The following MIOS variants were observed in gnomAD, a reference collection of about 807,000 sequenced individuals.
MIOS encodes GATOR2 complex protein MIOS.
In MIOS, 52 loss-of-function variants were observed where a neutral mutation model predicts 96.9. The observed-to-expected ratio is 0.54, with a 90% CI of 0.43 to 0.68. The LOEUF (loss-of-function observed/expected upper bound fraction) is 0.68. MIOS is among the 30% of genes least tolerant of loss of function. The pLI, the probability that MIOS is intolerant of heterozygous loss-of-function variation, is 0.00. For synonymous variants in MIOS, 397 were observed against 359.5 expected, an observed-to-expected ratio of 1.10 and a Z score of -1.18; for missense variants, 1,005 against 1,052.8, an observed-to-expected ratio of 0.95 and a Z score of 0.63.
At chr7:7,581,304 A>G (rs1048622325) in intron 5 of MIOS, among the ~76,000 whole-genome samples, 13 of 152,088 alleles carry the variant, frequency 8.5e-5, no homozygotes, top group African/African-American at 3.1e-4. Context: ...CTCCATCTCA[A>G]AAAAAGAAAA....
rs1404035161 is a variant in MIOS, at chr7:7,595,273, T to G, written c.2196+141T>G. The stretch of plus-strand genomic sequence containing the variant: ...TGTAGACTGAACTTTGTCCTTGATC[T>G]TCCTGTCCTTTGGTTCTGCTTCTTG... On this transcript the variant is annotated intron_variant, in intron 10 of 12. Transcript: ENST00000340080. 2 of 898,636 alleles carry G rather than the reference T, an allele frequency of 2.2e-6. 1 individual carries two copies. Among genetic ancestry groups the G allele is most frequent in the Admixed American group, 6.3e-5 (2 of 31,748 alleles). The allele number at this position is 898,636 out of a possible 1,614,324, so 55.7% of individuals were successfully genotyped here.
chr7:7,567,802 G>A (rs1050281525), intron 2 of MIOS, 114 bp downstream of exon 2: 57 of 152,284 alleles, frequency 3.7e-4, no homozygotes, highest in African/African-American at 1.3e-3. Context: ...ATTGAGATGT[G>A]CTATAAGTGT....
At chr7:7,589,101 TAGAC>T (rs1196129500) in intron 8 of MIOS, among the ~76,000 whole-genome samples, 6 of 152,130 alleles carry the variant, frequency 3.9e-5, no homozygotes, top group South Asian at 2.1e-4. Flanking sequence ...ACTACTATGA[TAGAC>T]AGCAAAAATT....
At chr7:7,581,086 C>T (rs968891057) in intron 5 of MIOS, among the ~76,000 whole-genome samples, 6 of 150,850 alleles carry the variant, frequency 4.0e-5, no homozygotes, top group Admixed American at 2.6e-4. Flanking sequence ...CTTTGGGAGG[C>T]TGAGGTGGGT....
rs1218904124 is a variant in MIOS, at chr7:7,585,419, T to TCCCC, written c.1649-217_1649-216insCCCC. Among the ~76,000 whole-genome samples the TCCCC allele has an allele frequency of 1.1e-3, 162 of 145,704 alleles. 2 individuals are homozygous for TCCCC. The highest frequency in any genetic ancestry group is 3.8e-3 in the South Asian group (17 of 4,458). ...GAATCAAAACCCAAACCCCCCCCTT[T>TCCCC]TTTTTTTTTTTCAAGAGTAAAGTGC... On this transcript the variant is annotated intron_variant, in intron 6 of 12. Transcript: ENST00000340080.
In MIOS at chr7:7,597,839, A is replaced by G. The variant is rs144979363; in HGVS notation, c.2401+1378A>G. Among the ~76,000 whole-genome samples the G allele has an allele frequency of 8.6e-3, 1,307 of 151,968 alleles. 17 individuals carry two copies. Among genetic ancestry groups the G allele is most frequent in the African/African-American group, 0.03 (1,250 of 41,462 alleles). On this transcript the variant is annotated intron_variant, in intron 11 of 12. Coordinates refer to ENST00000340080, the MANE Select transcript of MIOS (RefSeq NM_019005.4). The stretch of plus-strand genomic sequence containing the variant: ...GTGATCCTCCCACCTCAGCCTCCCA[A>G]GTAGCTGGGACCATAGGGTTTCACC...
intron 5 of MIOS, among the ~76,000 whole-genome samples, chr7:7,574,415 T>C (rs985490025): frequency 6.6e-6 from 1 of 152,172 alleles, no homozygotes; most frequent in Non-Finnish European, 1.5e-5. Context: ...TCTGAAGTGA[T>C]GTTGATCTTC....
intron 5 of MIOS, chr7:7,581,759 C>T (rs1783732839): frequency 6.6e-6 from 1 of 152,204 alleles, no homozygotes; most frequent in Non-Finnish European, 1.5e-5. Context: ...GCAGCTTTTA[C>T]ATCTTCAAGA....
rs201044877 is a variant in MIOS, at chr7:7,583,209, G to A, written c.1485G>A (p.Gln495=). The change falls in exon 6 of 13, where the codon CAG becomes CAA. Residue 495 remains glutamine, a synonymous_variant. Coordinates refer to ENST00000340080, the MANE Select transcript of MIOS (RefSeq NM_019005.4). The part of the protein sequence containing the change: ...NLNEERILAL[Q]LCGWIKKGTD... ...ATGAAGAGAGAATCTTAGCTTTACA[G>A]CTTTGTGGGTGGATAAAGAAAGGAA... 6.2e-7 allele frequency: 1 copy of A among 1,614,146 alleles called. No homozygotes were observed. Among genetic ancestry groups the A allele is most frequent in the South Asian group, 1.1e-5 (1 of 91,082 alleles).
In MIOS at chr7:7,585,772, G is replaced by T; in HGVS notation, c.1785G>T (p.Leu595=). 1 of 1,611,284 alleles carries T rather than the reference G, an allele frequency of 6.2e-7. No individual in the cohort carries two copies. The highest frequency in any genetic ancestry group is 1.1e-5 in the South Asian group (1 of 90,626). ...NPYLCVMFAF[L]TSETGSYDGV... Reference sequence around the variant, plus strand: ...ATTTGTGTGTCATGTTTGCATTTCTGACAAGTGAAACAGGATCTTACGATG... The same window carrying T: ...ATTTGTGTGTCATGTTTGCATTTCTTACAAGTGAAACAGGATCTTACGATG... The change falls in exon 7 of 13, where the codon CTG becomes CTT. Residue 595 remains leucine (L), a synonymous_variant. Coordinates refer to ENST00000340080, the MANE Select transcript of MIOS (RefSeq NM_019005.4).
At chr7:7,601,043 G>T (rs1464732482) in intron 11 of MIOS, among the ~76,000 whole-genome samples, 1 of 142,692 alleles carries the variant, frequency 7.0e-6, no homozygotes, top group East Asian at 2.0e-4. Flanking sequence ...CAACATACCA[G>T]AATCTCTGGG....
intron 5 of MIOS, among the ~76,000 whole-genome samples, chr7:7,580,902 T>G (rs890806576): frequency 2.0e-5 from 3 of 149,006 alleles, no homozygotes; most frequent in Admixed American, 6.7e-5. Context: ...GGCTGGGCTG[T>G]TCTCGAACTC....
intron 11 of MIOS, among the ~76,000 whole-genome samples, chr7:7,597,099 G>A (rs912841762): frequency 6.6e-6 from 1 of 152,062 alleles, no homozygotes; most frequent in African/African-American, 2.4e-5. Context: ...GGCCGAGGCT[G>A]GCAGATCACA....
chr7:7,581,376 TGC>T (rs1373730877), intron 5 of MIOS, among the ~76,000 whole-genome samples: 1 of 152,222 alleles, frequency 6.6e-6, no homozygotes, highest in Admixed American at 6.5e-5. Context: ...TTCTTATTTT[TGC>T]TTGTGTTTGT....
In MIOS at chr7:7,588,507, A is replaced by G; in HGVS notation, c.1828A>G (p.Lys610Glu). The change falls in exon 8 of 13, where the codon AAA becomes GAA. Residue 610 changes from lysine to glutamate, a missense_variant. By Grantham distance (56) the Lys-to-Glu change is moderately conservative. Around this residue, in one of 3 missense-constraint regions of MIOS, gnomAD observed 865 missense variants for 887.9 expected, o/e 0.97. Coordinates refer to ENST00000340080, the MANE Select transcript of MIOS (RefSeq NM_019005.4). ...GSYDGVLYEN[K>E]VAVRDRVAFA... ...TTTCTCTTCTTTCCAGTATGAAAAC[A>G]AAGTTGCAGTACGTGACAGAGTGGC... 6.3e-7 allele frequency: 1 copy of G among 1,581,778 alleles called. No homozygotes were observed.
intron 1 of MIOS, chr7:7,567,399 G>A (rs1783180658): frequency 6.6e-6 from 1 of 152,414 alleles, no homozygotes; most frequent in Non-Finnish European, 1.5e-5. Context: ...GTCGGACTCA[G>A]ATTCCTGCTT....
chr7:7,598,974 A>G (rs1402549554), intron 11 of MIOS, among the ~76,000 whole-genome samples: 22 of 152,066 alleles, frequency 1.4e-4, no homozygotes, highest in Non-Finnish European at 1.5e-5. Context: ...CACTGATTTT[A>G]CTTGATACAT....
At chr7:7,578,022 A>C (rs1243635823) in intron 5 of MIOS, among the ~76,000 whole-genome samples, 2 of 152,206 alleles carry the variant, frequency 1.3e-5, no homozygotes, top group Non-Finnish European at 2.9e-5. Flanking sequence ...AGACACTGCG[A>C]GGTTGTGAAA....
At position 7,572,573 on chromosome 7, in the gene MIOS, C is replaced by T; in HGVS notation, c.98C>T (p.Thr33Ile). The change falls in exon 4 of 13, where the codon ACT becomes ATT. Residue 33 changes from threonine (T) to isoleucine (I), a missense_variant. Coordinates refer to ENST00000340080, the MANE Select transcript of MIOS (RefSeq NM_019005.4). This position sits in a 1 kb window ranked among gnomAD's most constrained non-coding sequence, Gnocchi z 4.8. ...CTAAGTCTTTATCATGTGGAATCTA[C>T]TGTGAATTCAGAACTCAAAGCTGGA... ...SELSLYHVES[T>I]VNSELKAGSL... is the part of the protein sequence containing the mutation. The T allele has an allele frequency of 6.2e-7, 1 of 1,614,042 alleles. No homozygotes were observed. Among genetic ancestry groups the T allele is most frequent in the African/African-American group, 1.3e-5 (1 of 75,012 alleles).
Sources: allele counts gnomAD v4.1 joint callset (sites outside exome capture counted in the v4.1 genomes callset), GRCh38; gene constraint gnomAD v4.1.1; regional missense constraint gnomAD v4.1.1; non-coding constraint Gnocchi (gnomAD v3.1); transcripts MANE v1.5; gene names NCBI Gene and HGNC (gene_info 2026-07-23, HGNC 2026-07-21).